The following LRRC28 variants were observed in gnomAD, a reference collection of about 807,000 sequenced individuals.
LRRC28 encodes the protein leucine-rich repeat-containing protein 28.
Under a neutral mutation model 45.7 loss-of-function variants are expected in LRRC28, and 39 were observed. That is an observed-to-expected ratio of 0.85 (90% CI 0.66 to 1.12). The LOEUF (loss-of-function observed/expected upper bound fraction) is 1.12. Among genes scored for constraint, LRRC28 ranks in the 50% most tolerant of loss-of-function variants. The pLI, the probability that LRRC28 is intolerant of heterozygous loss-of-function variation, is 0.00. For synonymous variants in LRRC28, 206 were observed against 178.8 expected (o/e 1.15, Z -1.22); for missense variants, 435 against 438.5 (o/e 0.99, Z 0.07).
At chr15:99,310,161 T>C (rs752043414) in intron 5 of LRRC28, among the ~76,000 whole-genome samples, 5 of 152,208 alleles carry the variant, frequency 3.3e-5, no homozygotes, top group African/African-American at 4.8e-5. Context: ...AACTTGTTGG[T>C]AAACTCTGGA....
At chr15:99,252,370 A>T (rs566003135) in intron 1 of LRRC28, among the ~76,000 whole-genome samples, 16 of 152,352 alleles carry the variant, frequency 1.1e-4, no homozygotes, top group African/African-American at 3.6e-4. Context: ...TATCTCCCAA[A>T]CAGCCTTTGT....
chr15:99,378,293 C>G (rs1283771561), intron 9 of LRRC28, among the ~76,000 whole-genome samples: 3 of 152,228 alleles, frequency 2.0e-5, no homozygotes, highest in Non-Finnish European at 4.4e-5. Flanking sequence ...GTATTTTATT[C>G]TCTTTGAAGC....
At chr15:99,300,507 A>G (rs760483804) in intron 5 of LRRC28, among the ~76,000 whole-genome samples, 5 of 152,154 alleles carry the variant, frequency 3.3e-5, no homozygotes, top group Non-Finnish European at 7.4e-5. Context: ...AGCAGAACAA[A>G]TGTACATTGG....
chr15:99,289,939 C>CAAAAAAAAAAAAAA (rs398028517), intron 5 of LRRC28, among the ~76,000 whole-genome samples: 1 of 49,714 alleles, frequency 2.0e-5, no homozygotes, highest in Admixed American at 3.3e-4. Context: ...GACTCCGTCT[C>CAAAAAAAAAAAAAA]AAAAAAAAAA....
chr15:99,256,268 G>T (rs982423573), intron 2 of LRRC28, 143 bp downstream of exon 2: 5 of 572,804 alleles, frequency 8.7e-6, no homozygotes, highest in Admixed American at 4.0e-5. Context: ...ACACACAGGG[G>T]TTTCTCATTG....
At chr15:99,343,485 A>AT (rs906117450) in intron 6 of LRRC28, among the ~76,000 whole-genome samples, 1 of 152,154 alleles carries the variant, frequency 6.6e-6, no homozygotes, top group African/African-American at 2.4e-5. Flanking sequence ...GGACTCCTAG[A>AT]TTTTGCTAAT....
At chr15:99,313,335 C>T (rs75258612) in intron 5 of LRRC28, among the ~76,000 whole-genome samples, 1,847 of 152,122 alleles carry the variant, frequency 0.012, 31 homozygotes, top group East Asian at 0.044. Flanking sequence ...AAATAAACAA[C>T]GCAATTATGT....
At chr15:99,260,685 A>G (rs1173882298) in intron 2 of LRRC28, among the ~76,000 whole-genome samples, 1 of 152,234 alleles carries the variant, frequency 6.6e-6, no homozygotes, top group African/African-American at 2.4e-5. Flanking sequence ...GAAAACTAGT[A>G]GTGATTCTTA....
At chr15:99,322,061 G>C in intron 5 of LRRC28, among the ~76,000 whole-genome samples, 1 of 152,128 alleles carries the variant, frequency 6.6e-6, no homozygotes, top group Non-Finnish European at 1.5e-5. Flanking sequence ...ATTCCTGACC[G>C]AGGAATAGCA....
chr15:99,359,270 A>G (rs142246942), intron 7 of LRRC28, among the ~76,000 whole-genome samples: 1 of 152,324 alleles, frequency 6.6e-6, no homozygotes, highest in East Asian at 1.9e-4. Flanking sequence ...AAGTTAAAAG[A>G]CAAAAACATT....
rs184098823 is a variant in LRRC28, at chr15:99,327,776, C to A, written c.386-6147C>A. On this transcript the variant is annotated intron_variant, in intron 5 of 9. Coordinates refer to ENST00000301981, the MANE Select transcript of LRRC28 (RefSeq NM_144598.5). ...CTGCTTATTTTTATTTTAGTTTTTA[C>A]TTTTTCTTTTTTCTAAAGGTGGAAG... 1.2e-3 allele frequency among the ~76,000 whole-genome samples: 184 copies of A among 151,470 alleles called. 1 individual carries two copies. Among genetic ancestry groups the A allele is most frequent in the Middle Eastern group, 3.4e-3 (1 of 292 alleles).
At chr15:99,354,035 T>C (rs1232581214) in intron 7 of LRRC28, 1 of 152,168 alleles carries the variant, frequency 6.6e-6, no homozygotes, top group Non-Finnish European at 1.5e-5. Context: ...AAACTTTTGT[T>C]ATAGTAATAG....
intron 6 of LRRC28, among the ~76,000 whole-genome samples, chr15:99,336,237 T>C (rs1956317363): frequency 6.6e-6 from 1 of 152,228 alleles, no homozygotes; most frequent in Non-Finnish European, 1.5e-5. Context: ...CAAAACCTTA[T>C]GACAAAATCT....
intron 5 of LRRC28, among the ~76,000 whole-genome samples, chr15:99,294,807 G>A (rs1407201002): frequency 1.3e-5 from 2 of 152,150 alleles, no homozygotes; most frequent in Admixed American, 6.5e-5. Context: ...TCAAATCATA[G>A]CACCGTCTTG....
At chr15:99,385,002 A>G (rs940835162) in intron 9 of LRRC28, among the ~76,000 whole-genome samples, 1 of 152,212 alleles carries the variant, frequency 6.6e-6, no homozygotes. Flanking sequence ...GCACGCAGGG[A>G]CTCACAGCAG....
In LRRC28 at chr15:99,390,289, A is replaced by G. The variant is rs1477930919; in HGVS notation, c.*4187A>G. On this transcript the variant is annotated 3_prime_UTR_variant, in exon 10 of 10. Coordinates refer to ENST00000301981, the MANE Select transcript of LRRC28 (RefSeq NM_144598.5). ...GAGCTTGCTTCACAGCCTTTGAAGTATGACTGTATGTGTGGTCCCCTTGTA... is the reference window on the plus strand; with the variant it reads ...GAGCTTGCTTCACAGCCTTTGAAGTGTGACTGTATGTGTGGTCCCCTTGTA... 2.0e-5 allele frequency: 3 copies of G among 152,244 alleles called. No homozygotes were observed. Among genetic ancestry groups the G allele is most frequent in the Non-Finnish European group, 4.4e-5 (3 of 68,060 alleles). 9.4% of individuals were successfully genotyped at this position (152,244 alleles called of 1,614,324 possible).
At chr15:99,278,048 T>C (rs1040997733) in intron 3 of LRRC28, among the ~76,000 whole-genome samples, 3 of 152,220 alleles carry the variant, frequency 2.0e-5, no homozygotes, top group African/African-American at 7.2e-5. Context: ...AAATCTTTAT[T>C]GTTTCAATTA....
chr15:99,363,905 AG>A (rs1248107208), intron 9 of LRRC28, among the ~76,000 whole-genome samples: 1 of 152,226 alleles, frequency 6.6e-6, no homozygotes, highest in African/African-American at 2.4e-5. Context: ...TCCTAAATTT[AG>A]GAAACTAAAT....
chr15:99,273,689 G>T (rs2081544679), intron 2 of LRRC28, among the ~76,000 whole-genome samples: 1 of 152,180 alleles, frequency 6.6e-6, no homozygotes, highest in Non-Finnish European at 1.5e-5. Flanking sequence ...GTGCTTAATT[G>T]TGTGTAGAGC....
Sources: gnomAD v4.1 joint callset for allele counts (sites outside exome capture counted in the v4.1 genomes callset) on GRCh38, gnomAD v4.1.1 for gene constraint, MANE v1.5 for transcripts, NCBI Gene and HGNC (gene_info 2026-07-23, HGNC 2026-07-21) for gene names.